ZFAND3: variants seen among roughly 807,000 people sequenced by gnomAD.
The protein encoded by ZFAND3 is AN1-type zinc finger protein 3.
ZFAND3 carries 10 observed loss-of-function variants against 29.6 expected under a neutral mutation model. The observed-to-expected ratio is 0.34, with a 90% CI of 0.21 to 0.57. ZFAND3 has a LOEUF of 0.57. ZFAND3 is among the 20% of genes least tolerant of loss of function. The pLI is 0.86. For synonymous variants in ZFAND3, 128 were observed against 112.6 expected (o/e 1.14, Z -0.87); for missense variants, 230 against 304.5 (o/e 0.76, Z 1.82).
chr6:37,944,621 T>A (rs541746672), intron 2 of ZFAND3, among the ~76,000 whole-genome samples: 3 of 152,356 alleles, frequency 2.0e-5, no homozygotes, highest in Non-Finnish European at 2.9e-5. Flanking sequence ...GGTCTTGTGT[T>A]TTGACCTACA....
At chr6:37,937,559 G>A (rs997156952) in intron 2 of ZFAND3, among the ~76,000 whole-genome samples, 3 of 147,204 alleles carry the variant, frequency 2.0e-5, no homozygotes, top group Non-Finnish European at 4.4e-5. Context: ...GGAGGCTGAG[G>A]CAGAAGAATC....
intron 2 of ZFAND3, among the ~76,000 whole-genome samples, chr6:38,040,193 C>T (rs1763733025): frequency 6.6e-6 from 1 of 152,074 alleles, no homozygotes; most frequent in Non-Finnish European, 1.5e-5. Context: ...TTAACACTTA[C>T]AGAAAAGGTT....
At chr6:37,951,134 A>G (rs80192806) in intron 2 of ZFAND3, among the ~76,000 whole-genome samples, 26 of 152,104 alleles carry the variant, frequency 1.7e-4, no homozygotes, top group African/African-American at 6.0e-4. Flanking sequence ...TTTTGTGACT[A>G]CTATAGAAAT....
chr6:38,019,091 C>T (rs1763301614), intron 2 of ZFAND3, among the ~76,000 whole-genome samples: 1 of 152,066 alleles, frequency 6.6e-6, no homozygotes, highest in South Asian at 2.1e-4. Flanking sequence ...TCCCAAGTAG[C>T]TGAGATTACA....
intron 5 of ZFAND3, among the ~76,000 whole-genome samples, chr6:38,141,923 A>G (rs553580233): frequency 6.6e-6 from 1 of 152,358 alleles, no homozygotes; most frequent in African/African-American, 2.4e-5. Flanking sequence ...GGTGCTTCAC[A>G]GGCACGGTTT....
chr6:38,140,983 A>G (rs1352091012), intron 5 of ZFAND3, among the ~76,000 whole-genome samples: 2 of 59,176 alleles, frequency 3.4e-5, no homozygotes, highest in Non-Finnish European at 6.9e-5. Context: ...GCCCGCCCCC[A>G]CCCCCACCCA....
At chr6:38,061,816 T>G in intron 3 of ZFAND3, 41 bp downstream of exon 3, 1 of 1,601,136 alleles carries the variant, frequency 6.2e-7, no homozygotes, top group Non-Finnish European at 8.5e-7. Flanking sequence ...GAGAGCAGCT[T>G]AAGAACTTTA....
intron 4 of ZFAND3, among the ~76,000 whole-genome samples, chr6:38,106,749 G>C (rs1765217949): frequency 6.6e-6 from 1 of 152,034 alleles, no homozygotes; most frequent in Admixed American, 6.6e-5. Flanking sequence ...CACCTTGAGG[G>C]GACAGCTCAC....
chr6:37,998,922 T>C (rs899773064), intron 2 of ZFAND3, among the ~76,000 whole-genome samples: 6 of 152,222 alleles, frequency 3.9e-5, no homozygotes, highest in Admixed American at 1.3e-4. Flanking sequence ...TATACACATA[T>C]ATTTCCTTGC....
chr6:37,935,743 A>G (rs192321296), intron 2 of ZFAND3, among the ~76,000 whole-genome samples: 118 of 152,314 alleles, frequency 7.7e-4, no homozygotes, highest in African/African-American at 2.1e-3. Context: ...ATGGCTTTGG[A>G]AAATCTTGGA....
chr6:38,095,221 T>A (rs1046320236), intron 4 of ZFAND3, among the ~76,000 whole-genome samples: 1 of 152,212 alleles, frequency 6.6e-6, no homozygotes, highest in African/African-American at 2.4e-5. Flanking sequence ...GAAAGCAAGC[T>A]TTCATTTACT....
At chr6:38,026,584 C>G (rs1207325999) in intron 2 of ZFAND3, among the ~76,000 whole-genome samples, 1 of 151,974 alleles carries the variant, frequency 6.6e-6, no homozygotes, top group Admixed American at 6.6e-5. Flanking sequence ...TGTGCACCCC[C>G]ATGCCCCACT....
chr6:37,872,926 A>G (rs1272410124), intron 1 of ZFAND3, among the ~76,000 whole-genome samples: 1 of 152,208 alleles, frequency 6.6e-6, no homozygotes. Context: ...GCAGAACTTA[A>G]TTGTTTCATT....
chr6:37,974,732 G>A (rs1436064729), intron 2 of ZFAND3, among the ~76,000 whole-genome samples: 1 of 152,060 alleles, frequency 6.6e-6, no homozygotes, highest in Non-Finnish European at 1.5e-5. Flanking sequence ...CTTTCACTCA[G>A]CATATTTTGA....
chr6:38,003,466 G>A (rs559770634), intron 2 of ZFAND3, among the ~76,000 whole-genome samples: 1 of 151,660 alleles, frequency 6.6e-6, no homozygotes, highest in East Asian at 1.9e-4. Flanking sequence ...TGAAATATGA[G>A]TAAATGAACC....
At chr6:38,083,615 A>C (rs921261802) in intron 4 of ZFAND3, among the ~76,000 whole-genome samples, 1 of 152,244 alleles carries the variant, frequency 6.6e-6, no homozygotes, top group South Asian at 2.1e-4. Flanking sequence ...CAGCACTTCA[A>C]ATGCACAGTA....
chr6:37,929,200 G>C (rs907733894), intron 1 of ZFAND3, among the ~76,000 whole-genome samples: 1 of 152,134 alleles, frequency 6.6e-6, no homozygotes, highest in South Asian at 2.1e-4. Context: ...ATTATTCATC[G>C]CTTGTAACCA....
At chr6:37,924,525 A>T (rs1761446261) in intron 1 of ZFAND3, among the ~76,000 whole-genome samples, 1 of 152,104 alleles carries the variant, frequency 6.6e-6, no homozygotes, top group South Asian at 2.1e-4. Flanking sequence ...AAACAGGAAG[A>T]GGAACTGATT....
chr6:37,978,849 G>C (rs922828017), intron 2 of ZFAND3, among the ~76,000 whole-genome samples: 2 of 152,162 alleles, frequency 1.3e-5, no homozygotes, highest in African/African-American at 4.8e-5. Flanking sequence ...ATTTTTAGTA[G>C]AGATGGGGTT....
Sources: allele counts gnomAD v4.1 joint callset (sites outside exome capture counted in the v4.1 genomes callset), GRCh38; gene constraint gnomAD v4.1.1; transcripts MANE v1.5; gene names NCBI Gene and HGNC (gene_info 2026-07-23, HGNC 2026-07-21).